PIWIL1: variants seen among roughly 807,000 people sequenced by gnomAD.
PIWIL1 encodes piwi-like protein 1.
In PIWIL1, 73 loss-of-function variants were observed where a neutral mutation model predicts 114.4. The ratio of observed to expected loss-of-function variants is 0.64; its 90% confidence interval spans 0.53 to 0.78. The LOEUF (loss-of-function observed/expected upper bound fraction) is 0.78, where lower values mean the gene tolerates loss of function less well. Among genes scored for constraint, PIWIL1 ranks in the 30% least tolerant of loss-of-function variants. PIWIL1 has a pLI of 0.00. For synonymous variants in PIWIL1, 375 were observed against 369.0 expected, an observed-to-expected ratio of 1.02 and a Z score of -0.19; for missense variants, 723 against 1,063.1, an observed-to-expected ratio of 0.68 and a Z score of 4.45.
Position 130,357,093 on chromosome 12 carries a change from G to A in PIWIL1, c.1580G>A (p.Arg527Lys), listed in dbSNP as rs1106042. 106,258 of 1,608,668 alleles carry A rather than the reference G, an allele frequency of 0.066. 4,817 individuals are homozygous for A. Among genetic ancestry groups the A allele is most frequent in the South Asian group, 0.19 (17,539 of 90,430 alleles). The stretch of plus-strand genomic sequence containing the variant: ...ACACCAGCCATGGGCATGCAAATGA[G>A]AAAAGCAATAATGTAAGTTAATCAA... ...KVTPAMGMQM[R>K]KAIMIEVDDR... The change falls in exon 13 of 21, where the codon AGA becomes AAA. Residue 527 changes from arginine to lysine, a missense_variant. Coordinates refer to ENST00000245255, the MANE Select transcript of PIWIL1 (RefSeq NM_004764.5).
chr12:130,411,049 A>G, the PIWIL1 span, among the ~76,000 whole-genome samples: 1 of 152,212 alleles, frequency 6.6e-6, no homozygotes, highest in East Asian at 1.9e-4. Context: ...TCGGCATACA[A>G]ATACTGCACG....
the PIWIL1 span, among the ~76,000 whole-genome samples, chr12:130,399,487 TTTGTA>T: frequency 6.6e-6 from 1 of 152,182 alleles, no homozygotes; most frequent in African/African-American, 2.4e-5. Flanking sequence ...AGGGTCTTTT[TTTGTA>T]AAATGAGTAA....
At chr12:130,353,602 G>C (rs1031321342) in intron 9 of PIWIL1, among the ~76,000 whole-genome samples, 2 of 152,130 alleles carry the variant, frequency 1.3e-5, no homozygotes, top group African/African-American at 4.8e-5. Context: ...CTGAGCTGGA[G>C]GCCAGAGAGC....
the PIWIL1 span, among the ~76,000 whole-genome samples, chr12:130,405,769 T>TTTGTC: frequency 6.6e-6 from 1 of 151,440 alleles, no homozygotes; most frequent in Non-Finnish European, 1.5e-5. Flanking sequence ...GTTTTAGGTT[T>TTTGTC]TTGTTTTGTT....
At position 130,342,435 on chromosome 12, in the gene PIWIL1, A is replaced by C. The variant is rs1295084394; in HGVS notation, c.-12-145A>C. 7 of 619,942 alleles carry C rather than the reference A, an allele frequency of 1.1e-5. No individual in the cohort carries two copies. In the Admixed American group the frequency reaches 1.7e-4, roughly 15 times the overall value. The allele number at this position is 619,942 out of a possible 1,614,324, so 38.4% of individuals were successfully genotyped here. On this transcript the variant is annotated intron_variant, in intron 1 of 20. Transcript: ENST00000245255. ...ATGTAGGAATGTTACATTAAAAAAA[A>C]CTGTCATTAAAGATTAGAAGGATAC...
At position 130,371,466 on chromosome 12, in the gene PIWIL1, T is replaced by C. The variant is rs201185383; in HGVS notation, c.2470-16T>C. 2 of 1,612,992 alleles carry C rather than the reference T, an allele frequency of 1.2e-6. No homozygotes were observed. The highest frequency in any genetic ancestry group is 2.2e-5 in the South Asian group (2 of 91,002). On this transcript the variant is annotated splice_polypyrimidine_tract_variant and intron_variant, in intron 20 of 20. Coordinates refer to ENST00000245255, the MANE Select transcript of PIWIL1 (RefSeq NM_004764.5). Reference sequence around the variant, plus strand: ...TAAGTCTAGAGTAATAGAACCTTTTTTTCCTTCCACTAAAGGGTGTCATTC... The same window carrying C: ...TAAGTCTAGAGTAATAGAACCTTTTCTTCCTTCCACTAAAGGGTGTCATTC...
the PIWIL1 span, among the ~76,000 whole-genome samples, chr12:130,417,376 G>A: frequency 6.6e-6 from 1 of 152,202 alleles, no homozygotes; most frequent in Non-Finnish European, 1.5e-5. Context: ...AAGATGTGGT[G>A]CGTATACCAC....
At chr12:130,395,302 T>G in the PIWIL1 span, among the ~76,000 whole-genome samples, 55 of 152,296 alleles carry the variant, frequency 3.6e-4, no homozygotes, top group Non-Finnish European at 6.2e-4. Flanking sequence ...TCTCTTATCA[T>G]CACCAGAAAA....
chr12:130,385,951 T>C, the PIWIL1 span, among the ~76,000 whole-genome samples: 1 of 152,240 alleles, frequency 6.6e-6, no homozygotes, highest in Non-Finnish European at 1.5e-5. Context: ...AGTCCTTTAC[T>C]TGTCTATCTT....
At chr12:130,396,752 A>G in the PIWIL1 span, 1 of 152,662 alleles carries the variant, frequency 6.6e-6, no homozygotes, top group Admixed American at 6.5e-5. Context: ...TTCTGTGTGT[A>G]GCCTGGCTGG....
intron 9 of PIWIL1, 111 bp downstream of exon 9, chr12:130,350,078 T>C: frequency 1.7e-6 from 1 of 603,458 alleles, no homozygotes; most frequent in Non-Finnish European, 2.9e-6. Context: ...TGTGTAAATG[T>C]ATTTGTTAGG....
the PIWIL1 span, chr12:130,425,149 C>T: frequency 1.3e-5 from 4 of 303,018 alleles, no homozygotes; most frequent in East Asian, 5.2e-5. Flanking sequence ...GGTGAGATCC[C>T]GGCGGCACAT....
chr12:130,342,518 T>C (rs1256802174), intron 1 of PIWIL1, 62 bp from the exon 2 acceptor site: 3 of 959,520 alleles, frequency 3.1e-6, no homozygotes, highest in Non-Finnish European at 5.0e-6. Context: ...AGTAACATTG[T>C]AGAAATTATC....
At chr12:130,416,272 T>C in the PIWIL1 span, among the ~76,000 whole-genome samples, 627 of 152,290 alleles carry the variant, frequency 4.1e-3, 3 homozygotes, top group African/African-American at 0.014. Context: ...GCCGAAGTGG[T>C]CTTAAGCAAA....
the PIWIL1 span, among the ~76,000 whole-genome samples, chr12:130,417,329 G>A: frequency 2.9e-3 from 447 of 152,318 alleles, 2 homozygotes; most frequent in Admixed American, 6.2e-3. Context: ...CAGGGACATG[G>A]AATCAACCTA....
intron 3 of PIWIL1, among the ~76,000 whole-genome samples, chr12:130,344,160 G>A (rs2073005327): frequency 6.6e-6 from 1 of 152,124 alleles, no homozygotes; most frequent in Non-Finnish European, 1.5e-5. Flanking sequence ...ACTGGCAATT[G>A]GATTTTTGCG....
chr12:130,360,859 T>C (rs905818193), intron 14 of PIWIL1, among the ~76,000 whole-genome samples: 2 of 152,220 alleles, frequency 1.3e-5, no homozygotes, highest in African/African-American at 4.8e-5. Context: ...TTAATCTGTC[T>C]ACCTGTCACT....
chr12:130,411,500 C>G, the PIWIL1 span, among the ~76,000 whole-genome samples: 1 of 152,108 alleles, frequency 6.6e-6, no homozygotes, highest in African/African-American at 2.4e-5. Context: ...GCAGGGGGCA[C>G]ATAGATATAT....
intron 16 of PIWIL1, among the ~76,000 whole-genome samples, chr12:130,361,862 A>G (rs1420075046): frequency 6.6e-6 from 1 of 152,128 alleles, no homozygotes; most frequent in East Asian, 1.9e-4. Context: ...CTAAAAATGT[A>G]TTTGTTTAAT....
Sources: gnomAD v4.1 joint callset for allele counts (sites outside exome capture counted in the v4.1 genomes callset) on GRCh38, gnomAD v4.1.1 for gene constraint, MANE v1.5 for transcripts, NCBI Gene and HGNC (gene_info 2026-07-23, HGNC 2026-07-21) for gene names.